Variants in CYP26A1 observed in about 807,000 individuals in gnomAD.
The protein encoded by CYP26A1 is cytochrome P450 26A1.
In CYP26A1, 46 loss-of-function variants were observed where a neutral mutation model predicts 47.4. That is an observed-to-expected ratio of 0.97 (90% CI 0.77 to 1.24). The LOEUF (loss-of-function observed/expected upper bound fraction) is 1.24, where lower values mean the gene tolerates loss of function less well. CYP26A1 is among the 50% of genes most tolerant of loss of function. The pLI is 0.00. For missense variants in CYP26A1, 680 were observed against 644.4 expected, an observed-to-expected ratio of 1.06 and a Z score of -0.60; for synonymous variants, 277 against 263.7, an observed-to-expected ratio of 1.05 and a Z score of -0.49.
Position 93,075,061 on chromosome 10 carries a change from C to T in CYP26A1, c.697C>T (p.Leu233=). The change falls in exon 3 of 7, where the codon CTG becomes TTG. Residue 233 remains leucine, a synonymous_variant. Transcript: ENST00000224356. ...SLPIDVPFSG[L]YRGMKARNLI... ...GCCCATCGACGTGCCCTTCAGCGGG[C>T]TGTACCGGGTAAGGGCGGCAAACGG... The T allele has an allele frequency of 6.2e-7, 1 of 1,612,704 alleles. No individual in the cohort carries two copies. Among genetic ancestry groups the T allele is most frequent in the South Asian group, 1.1e-5 (1 of 91,020 alleles).
rs73319400 is a variant in CYP26A1, at chr10:93,077,001, T to C, written c.1191T>C (p.Ser397=). The C allele has an allele frequency of 1.3e-3, 2,037 of 1,612,950 alleles. 15 individuals are homozygous for C. In the African/African-American group the frequency reaches 0.023, roughly 18 times the overall value. Residue 397 remains serine (S), a synonymous_variant, in exon 7 of 7, where the codon AGT becomes AGC. Transcript: ENST00000224356. ...CCAAGGGCTGGAATGTTATCTACAG[T>C]ATCTGTGATACTCATGATGTGGCAG... ...QIPKGWNVIY[S]ICDTHDVAEI...
chr10:93,075,549 AT>A, intron 4 of CYP26A1: 2 of 594,378 alleles, frequency 3.4e-6, no homozygotes, highest in Non-Finnish European at 5.9e-6. Flanking sequence ...GAAAGTTGGA[AT>A]TTGCAAAAAT....
chr10:93,075,178 G>A lies in CYP26A1; in HGVS notation c.735G>A (p.Ala245=). Residue 245 remains alanine, a synonymous_variant, in exon 4 of 7, where the codon GCG becomes GCA. Coordinates refer to ENST00000224356, the MANE Select transcript of CYP26A1 (RefSeq NM_000783.4). ...RGMKARNLIH[A]RIEQNIRAKI... ...TGAAGGCGCGGAACCTCATTCACGC[G>A]CGCATCGAGCAGAACATTCGCGCCA... The A allele has an allele frequency of 6.2e-7, 1 of 1,613,706 alleles. No individual in the cohort carries two copies. Among genetic ancestry groups the A allele is most frequent in the Non-Finnish European group, 8.5e-7 (1 of 1,179,956 alleles).
At chr10:93,076,890 T>C (rs958139700) in intron 6 of CYP26A1, 73 bp from the exon 7 acceptor site, 24 of 1,113,646 alleles carry the variant, frequency 2.2e-5, no homozygotes, top group African/African-American at 7.9e-5. Context: ...CCCAAAGATA[T>C]CAGTGACTGC....
Position 93,077,233 on chromosome 10 carries a change from A to C in CYP26A1, c.1423A>C (p.Lys475Gln). The change falls in exon 7 of 7, where the codon AAA (lysine) becomes CAA (glutamine). Residue 475 changes from lysine to glutamine, a missense_variant. Transcript: ENST00000224356. Reference protein sequence around the residue: ...WQLLNGPPTMKTSPTVYPVDN... With the variant: ...WQLLNGPPTMQTSPTVYPVDN... ...GCTTCTAAATGGACCTCCTACAATGAAAACCAGTCCCACCGTGTATCCTGT... is the reference window on the plus strand; with the variant it reads ...GCTTCTAAATGGACCTCCTACAATGCAAACCAGTCCCACCGTGTATCCTGT... 6.2e-7 allele frequency: 1 copy of C among 1,605,014 alleles called. No individual in the cohort carries two copies. Among genetic ancestry groups the C allele is most frequent in the Non-Finnish European group, 8.5e-7 (1 of 1,173,578 alleles).
rs547969483 is a variant in CYP26A1, at chr10:93,075,991, T to C, written c.999+31T>C. Reference sequence around the variant, plus strand: ...GAGACTGGGTCTGGGGGTGTCCTTATTAGCTTAGGAAATTCAGCTGCTCCC... The same window carrying C: ...GAGACTGGGTCTGGGGGTGTCCTTACTAGCTTAGGAAATTCAGCTGCTCCC... On this transcript the variant is annotated intron_variant, in intron 5 of 6. Coordinates refer to ENST00000224356, the MANE Select transcript of CYP26A1 (RefSeq NM_000783.4). The C allele has an allele frequency of 5.0e-6, 8 of 1,586,520 alleles. No homozygotes were observed. In the South Asian group the frequency reaches 5.5e-5, roughly 11 times the overall value.
chr10:93,073,692 G>A (rs992822289), upstream of CYP26A1: 4 of 526,622 alleles, frequency 7.6e-6, no homozygotes, highest in Non-Finnish European at 1.3e-5. Flanking sequence ...AGGCGCGCTC[G>A]GAGGGAAGCC....
Position 93,074,239 on chromosome 10 carries a change from G to A in CYP26A1, c.190-69G>A. On this transcript the variant is annotated intron_variant, in intron 1 of 6. Transcript: ENST00000224356. The surrounding 1 kb of genome is among the most constrained non-coding windows in gnomAD (Gnocchi z 5.3). The stretch of plus-strand genomic sequence containing the variant: ...GCATGCTATTGCGGCTAGGAGCAGG[G>A]CTGGCGGGAGCGCGGCGCTCCCCGG... 6.6e-7 allele frequency: 1 copy of A among 1,519,950 alleles called. No homozygotes were observed. The highest frequency in any genetic ancestry group is 9.0e-7 in the Non-Finnish European group (1 of 1,112,360). 94.2% of individuals were successfully genotyped at this position (1,519,950 alleles called of 1,614,324 possible). A position where few individuals can be genotyped will look rare whatever the true frequency, so the allele number is the denominator to read the frequency against.
Position 93,075,931 on chromosome 10 carries a change from C to T in CYP26A1, c.970C>T (p.Gln324Ter), listed in dbSNP as rs755991400. 6.2e-7 allele frequency: 1 copy of T among 1,612,990 alleles called. No homozygotes were observed. Among genetic ancestry groups the T allele is most frequent in the South Asian group, 1.1e-5 (1 of 91,050 alleles). ...TYLGLYPHVL[Q>*]KVREELKSKG... ...CCTGGGGCTCTACCCACATGTTCTC[C>T]AGAAAGTGCGAGAAGAGCTGAAGAG... Residue 324 changes from glutamine to a stop codon, truncating the protein, a stop_gained, in exon 5 of 7, where the codon CAG (glutamine) becomes TAG (stop). Transcript: ENST00000224356. LOFTEE classifies it high-confidence loss of function.
chr10:93,077,300 T>C lies in CYP26A1; in HGVS notation c.1490T>C (p.Ile497Thr), dbSNP rs200820945. The C allele has an allele frequency of 1.1e-5, 17 of 1,519,594 alleles. No individual in the cohort carries two copies. In the Admixed American group the frequency reaches 2.7e-4, roughly 24 times the overall value. 94.1% of individuals were successfully genotyped at this position (1,519,594 alleles called of 1,614,324 possible). A position where few individuals can be genotyped will look rare whatever the true frequency, so the allele number is the denominator to read the frequency against. Residue 497 changes from isoleucine (I) to threonine (T), a missense_variant, in exon 7 of 7, where the codon ATC (isoleucine) becomes ACC (threonine). Ile to Thr is a moderately conservative substitution (Grantham distance 89, BLOSUM62 -1). Transcript: ENST00000224356. The part of the protein sequence containing the change: ...PARFTHFHGE[I>T] ...AGATTCACCCATTTCCATGGGGAAA[T>C]CTGATGAGCTTGAATGTTCAAACCT... is the stretch of plus-strand genomic sequence containing the variant.
intron 6 of CYP26A1, 41 bp downstream of exon 6, chr10:93,076,737 TA>T (rs1564958129): frequency 7.0e-7 from 1 of 1,436,148 alleles, no homozygotes; most frequent in Non-Finnish European, 9.7e-7. Context: ...TGTTGTGGTT[TA>T]AAAACTCCTC....
Position 93,075,161 on chromosome 10 carries a change from C to T in CYP26A1, c.718C>T (p.Arg240Trp). ...TCTCTGCGCTCAGGGCATGAAGGCG[C>T]GGAACCTCATTCACGCGCGCATCGA... ...FSGLYRGMKA[R>W]NLIHARIEQN... Residue 240 changes from arginine to tryptophan, a missense_variant, in exon 4 of 7, where the codon CGG becomes TGG. Physicochemically the swap from Arg to Trp is moderately radical, Grantham distance 101 (BLOSUM62 -3). Transcript: ENST00000224356. The T allele has an allele frequency of 1.2e-6, 2 of 1,613,498 alleles. No homozygotes were observed. The highest frequency in any genetic ancestry group is 1.7e-6 in the Non-Finnish European group (2 of 1,179,894).
chr10:93,076,716 T>G lies in CYP26A1; in HGVS notation c.1152+20T>G. 6.4e-7 allele frequency: 1 copy of G among 1,568,168 alleles called. No individual in the cohort carries two copies. Among genetic ancestry groups the G allele is most frequent in the Non-Finnish European group, 8.7e-7 (1 of 1,149,754 alleles). On this transcript the variant is annotated intron_variant, in intron 6 of 6. Coordinates refer to ENST00000224356, the MANE Select transcript of CYP26A1 (RefSeq NM_000783.4). ...TTAAATGTAAGTTAAAATTCTCTTC[T>G]TTCTCCCTTTTGTTGTGGTTTAAAA... is the stretch of plus-strand genomic sequence containing the variant.
Position 93,077,668 on chromosome 10 carries a change from T to C in CYP26A1, c.*364T>C, listed in dbSNP as rs1241749057. 1.3e-5 allele frequency: 2 copies of C among 155,924 alleles called. No individual in the cohort carries two copies. Among genetic ancestry groups the C allele is most frequent in the Non-Finnish European group, 2.8e-5 (2 of 70,764 alleles). 9.7% of individuals were successfully genotyped at this position (155,924 alleles called of 1,614,324 possible). A position where few individuals can be genotyped will look rare whatever the true frequency, so the allele number is the denominator to read the frequency against. ...TTATGTTAACAGTTATTAGAAAATA[T>C]ATGTCTGTGTGTGTTATTCCAGACG... On this transcript the variant is annotated 3_prime_UTR_variant, in exon 7 of 7. Coordinates refer to ENST00000224356, the MANE Select transcript of CYP26A1 (RefSeq NM_000783.4).
rs1428317499 is a variant in CYP26A1 at position 93,077,635 on chromosome 10, G to A, written c.*331G>A. ...CTGTTTTCTGTGAGAAGAAATCTTA[G>A]CTGTTTTTTATGTTAACAGTTATTA... On this transcript the variant is annotated 3_prime_UTR_variant, in exon 7 of 7. Coordinates refer to ENST00000224356, the MANE Select transcript of CYP26A1 (RefSeq NM_000783.4). 1 of 168,422 alleles carries A rather than the reference G, an allele frequency of 5.9e-6. No individual in the cohort carries two copies. The highest frequency in any genetic ancestry group is 6.3e-5 in the Admixed American group (1 of 15,848). The allele number at this position is 168,422 out of a possible 1,614,324, so 10.4% of individuals were successfully genotyped here.
upstream of CYP26A1, chr10:93,073,872 C>A (rs904325959): frequency 3.1e-5 from 20 of 654,430 alleles, no homozygotes; most frequent in Non-Finnish European, 5.1e-5. Context: ...TATAAAGCGG[C>A]AGCGCCGTGG....
At chr10:93,073,822 T>C (rs533727979), upstream of CYP26A1, 9 of 592,596 alleles carry the variant, frequency 1.5e-5, no homozygotes, top group East Asian at 5.9e-5. Context: ...GGTGAACTAA[T>C]TGTCTGACCA....
At position 93,074,143 on chromosome 10, in the gene CYP26A1, G is replaced by GGGGGGGC; in HGVS notation, c.189+20_189+21insGGGGGGC. On this transcript the variant is annotated intron_variant, in intron 1 of 6. Transcript: ENST00000224356. The surrounding 1 kb of genome is among the most constrained non-coding windows in gnomAD (Gnocchi z 5.3). ...CTGCAGGTAAGGGAGGGTGGGGCGGGACAGGCTGCTTCCCCGGAGCCCGGC... is the reference window on the plus strand; with the variant it reads ...CTGCAGGTAAGGGAGGGTGGGGCGGGGGGGGGCACAGGCTGCTTCCCCGGAGCCCGGC... The GGGGGGGC allele has an allele frequency of 2.1e-6, 1 of 483,744 alleles. No homozygotes were observed. The highest frequency in any genetic ancestry group is 4.1e-6 in the Non-Finnish European group (1 of 246,536). The allele number at this position is 483,744 out of a possible 1,614,324, so 30.0% of individuals were successfully genotyped here.
chr10:93,075,563 T>C (rs1846967242), intron 4 of CYP26A1: 8 of 592,918 alleles, frequency 1.3e-5, no homozygotes, highest in Non-Finnish European at 2.4e-5. Context: ...GCAAAAATGT[T>C]AATAAAGAAC....
Sources: allele counts gnomAD v4.1 joint callset, GRCh38; gene constraint gnomAD v4.1.1; non-coding constraint Gnocchi (gnomAD v3.1); transcripts MANE v1.5; gene names NCBI Gene and HGNC (gene_info 2026-07-23, HGNC 2026-07-21).